MTERF3: variants seen among roughly 807,000 people sequenced by gnomAD.
MTERF3 encodes the protein mitochondrial transcription termination factor 3.
A neutral mutation model predicts 40.5 loss-of-function variants in MTERF3; 40 were observed. The observed-to-expected ratio is 0.99, with a 90% CI of 0.77 to 1.29. The LOEUF (loss-of-function observed/expected upper bound fraction) is 1.29. MTERF3 is among the 50% of genes most tolerant of loss of function. The pLI is 0.00. For missense variants in MTERF3, 452 were observed against 478.2 expected (o/e 0.95, Z 0.51); for synonymous variants, 158 against 166.6 (o/e 0.95, Z 0.40).
At position 96,258,682 on chromosome 8, in the gene MTERF3, C is replaced by A; in HGVS notation, c.9G>T (p.Leu3Phe). 1 of 1,593,082 alleles carries A rather than the reference C, an allele frequency of 6.3e-7. No homozygotes were observed. The highest frequency in any genetic ancestry group is 1.1e-5 in the South Asian group (1 of 89,276). The change falls in exon 2 of 8, where the codon TTG becomes TTT. Residue 3 changes from leucine to phenylalanine, a missense_variant. Coordinates refer to ENST00000287025, the MANE Select transcript of MTERF3 (RefSeq NM_015942.5). The part of the protein sequence containing the change: MA[L>F]SAQQIPRWFN... Reference sequence around the variant, plus strand: ...ACCATCTGGGTATCTGTTGGGCTGACAAAGCCATTTTTCTTAGTCTACAAA... The same window carrying A: ...ACCATCTGGGTATCTGTTGGGCTGAAAAAGCCATTTTTCTTAGTCTACAAA...
At chr8:96,250,668 GAA>G (rs1491102568) in intron 4 of MTERF3, among the ~76,000 whole-genome samples, 591 of 42,792 alleles carry the variant, frequency 0.014, 124 homozygotes, top group African/African-American at 0.057. Flanking sequence ...AGAAGAAGAA[GAA>G]GAAGAAGAAG....
At position 96,244,087 on chromosome 8, in the gene MTERF3, G is replaced by C; in HGVS notation, c.898-7C>G. 6.2e-7 allele frequency: 1 copy of C among 1,605,226 alleles called. No homozygotes were observed. The highest frequency in any genetic ancestry group is 8.5e-7 in the Non-Finnish European group (1 of 1,173,218). ...CAAGTTCAAGACGATAAACCTAAAA[G>C]AAAGTAAATTTGCTATGAATCGTTA... On this transcript the variant is annotated splice_region_variant and splice_polypyrimidine_tract_variant and intron_variant, in intron 6 of 7. Coordinates refer to ENST00000287025, the MANE Select transcript of MTERF3 (RefSeq NM_015942.5).
intron 3 of MTERF3, among the ~76,000 whole-genome samples, chr8:96,251,839 T>C (rs1159759007): frequency 6.6e-6 from 1 of 152,148 alleles, no homozygotes; most frequent in African/African-American, 2.4e-5. Context: ...ATTAAACAGG[T>C]ATTAAGATGC....
intron 3 of MTERF3, among the ~76,000 whole-genome samples, chr8:96,253,468 G>A (rs1810222733): frequency 1.3e-5 from 2 of 152,120 alleles, no homozygotes; most frequent in Admixed American, 1.3e-4. Flanking sequence ...GCTGGCATAG[G>A]AGCCCTGGTG....
chr8:96,247,495 A>C (rs1181638065), intron 4 of MTERF3, among the ~76,000 whole-genome samples: 5 of 152,212 alleles, frequency 3.3e-5, no homozygotes, highest in African/African-American at 1.2e-4. Flanking sequence ...AATTCTAACC[A>C]GAAAAACAAA....
At chr8:96,259,122 T>C (rs1258577629) in intron 1 of MTERF3, among the ~76,000 whole-genome samples, 1 of 152,220 alleles carries the variant, frequency 6.6e-6, no homozygotes, top group African/African-American at 2.4e-5. Flanking sequence ...CCGCAGCACA[T>C]TGCTGATCAA....
intron 3 of MTERF3, among the ~76,000 whole-genome samples, chr8:96,255,296 G>C (rs1374767114): frequency 6.6e-6 from 1 of 152,104 alleles, no homozygotes; most frequent in Non-Finnish European, 1.5e-5. Flanking sequence ...AGAATCCATA[G>C]GATAAGCTAT....
chr8:96,261,092 T>C (rs891999585), intron 1 of MTERF3, among the ~76,000 whole-genome samples: 1 of 152,218 alleles, frequency 6.6e-6, no homozygotes, highest in African/African-American at 2.4e-5. Flanking sequence ...CTGTTCTCAA[T>C]GAGTGCCTAG....
Position 96,239,607 on chromosome 8 carries a change from C to T in MTERF3, c.1138G>A (p.Ala380Thr). The T allele has an allele frequency of 6.2e-7, 1 of 1,612,632 alleles. No homozygotes were observed. The highest frequency in any genetic ancestry group is 8.5e-7 in the Non-Finnish European group (1 of 1,179,638). The change falls in exon 8 of 8, where the codon GCA becomes ACA. Residue 380 changes from alanine to threonine, a missense_variant. By Grantham distance (58) the Ala-to-Thr change is moderately conservative (BLOSUM62 0). Coordinates refer to ENST00000287025, the MANE Select transcript of MTERF3 (RefSeq NM_015942.5). ...TYLGRAQYDP[A>T]KPNYISLDKL... ...TCCAAAGAGATGTAGTTAGGTTTTG[C>T]TGGATCATACTGTGCTCTTCCTAAA...
intron 7 of MTERF3, among the ~76,000 whole-genome samples, chr8:96,241,884 T>A (rs1809937549): frequency 6.6e-6 from 1 of 152,196 alleles, no homozygotes; most frequent in Non-Finnish European, 1.5e-5. Context: ...TTTCGGGGGA[T>A]CCTGAATATA....
At position 96,249,757 on chromosome 8, in the gene MTERF3, G is replaced by C. The variant is rs370344864; in HGVS notation, c.677+1149C>G. 3.3e-5 allele frequency among the ~76,000 whole-genome samples: 5 copies of C among 152,296 alleles called. No individual in the cohort carries two copies. The East Asian group carries it at 5.8e-4, about 18-fold the overall frequency. ...AGTAATCTTGGTGTGATATTATGGG[G>C]AACTGAGGCAAAATAGTCAAAGCAA... On this transcript the variant is annotated intron_variant, in intron 4 of 7. Coordinates refer to ENST00000287025, the MANE Select transcript of MTERF3 (RefSeq NM_015942.5).
intron 4 of MTERF3, among the ~76,000 whole-genome samples, chr8:96,248,755 C>G (rs1810068195): frequency 1.3e-5 from 2 of 152,088 alleles, no homozygotes; most frequent in South Asian, 4.1e-4. Flanking sequence ...TAAAATGCGA[C>G]TATTCATTTG....
rs1228456163 is a variant in MTERF3 at position 96,250,907 on chromosome 8, T to A, written c.676A>T (p.Arg226Trp). 1.2e-6 allele frequency: 2 copies of A among 1,602,880 alleles called. No individual in the cohort carries two copies. The highest frequency in any genetic ancestry group is 3.5e-5 in the Admixed American group (2 of 56,366). The change falls in exon 4 of 8, where the codon AGG becomes TGG. Residue 226 changes from arginine to tryptophan, a missense_variant and splice_region_variant. Arg to Trp is a moderately radical substitution (Grantham distance 101). Coordinates refer to ENST00000287025, the MANE Select transcript of MTERF3 (RefSeq NM_015942.5). ...FSEDLENLKT[R>W]VAYLHSKNFS... ...TGAGAATCCTTTTAAAAGTCCTACC[T>A]GGTCTTCAGATTTTCAAGGTCTTCA...
intron 3 of MTERF3, among the ~76,000 whole-genome samples, chr8:96,253,744 G>T (rs1295894915): frequency 6.6e-6 from 1 of 151,924 alleles, no homozygotes; most frequent in African/African-American, 2.4e-5. Flanking sequence ...GGTGGCTCAT[G>T]CCTGTTATCC....
chr8:96,242,170 T>G (rs563573003), intron 7 of MTERF3, among the ~76,000 whole-genome samples: 1 of 152,332 alleles, frequency 6.6e-6, no homozygotes, highest in Non-Finnish European at 1.5e-5. Flanking sequence ...TCCGTTAATG[T>G]ATTTTTTCAT....
chr8:96,239,433 T>C lies in MTERF3; in HGVS notation c.*58A>G. On this transcript the variant is annotated 3_prime_UTR_variant, in exon 8 of 8. Transcript: ENST00000287025. Reference sequence around the variant, plus strand: ...GAGACCCGAGGCATTTAAAAATATATTCATTTATTCATATATATATTCACT... The same window carrying C: ...GAGACCCGAGGCATTTAAAAATATACTCATTTATTCATATATATATTCACT... The C allele has an allele frequency of 7.8e-7, 1 of 1,281,234 alleles. No individual in the cohort carries two copies. Among genetic ancestry groups the C allele is most frequent in the Non-Finnish European group, 1.1e-6 (1 of 947,962 alleles). The allele number at this position is 1,281,234 out of a possible 1,614,324, so 79.4% of individuals were successfully genotyped here.
intron 2 of MTERF3, 184 bp from the exon 3 acceptor site, chr8:96,257,298 A>G: frequency 2.2e-6 from 1 of 462,946 alleles, no homozygotes; most frequent in Middle Eastern, 5.8e-4. Flanking sequence ...TAGACAGACT[A>G]ACTACTGTTC....
At chr8:96,245,714 T>G in intron 6 of MTERF3, 146 bp downstream of exon 6, 1 of 698,450 alleles carries the variant, frequency 1.4e-6, no homozygotes, top group South Asian at 2.0e-5. Context: ...AGACATTTGT[T>G]AAAGATAATT....
intron 3 of MTERF3, among the ~76,000 whole-genome samples, chr8:96,256,730 T>C (rs371640657): frequency 9.2e-5 from 14 of 151,802 alleles, no homozygotes; most frequent in African/African-American, 2.9e-4. Context: ...AATGAGGAGG[T>C]TGAACACAAA....
Sources: allele counts gnomAD v4.1 joint callset (sites outside exome capture counted in the v4.1 genomes callset), GRCh38; gene constraint gnomAD v4.1.1; transcripts MANE v1.5; gene names NCBI Gene and HGNC (gene_info 2026-07-23, HGNC 2026-07-21).